The following GPHN variants were observed in gnomAD, a reference collection of about 807,000 sequenced individuals.
GPHN encodes the protein gephyrin.
A neutral mutation model predicts 95.5 loss-of-function variants in GPHN; 17 were observed. That is an observed-to-expected ratio of 0.18 (90% CI 0.12 to 0.27). The LOEUF (loss-of-function observed/expected upper bound fraction) is 0.27, where lower values mean the gene tolerates loss of function less well. Among genes scored for constraint, GPHN ranks in the 10% least tolerant of loss-of-function variants. GPHN has a pLI of 1.00. For synonymous variants in GPHN, 320 were observed against 322.5 expected, an observed-to-expected ratio of 0.99 and a Z score of 0.08; for missense variants, 660 against 978.1, an observed-to-expected ratio of 0.67 and a Z score of 4.34.
At chr14:67,027,264 G>A (rs540089075) in intron 10 of GPHN, among the ~76,000 whole-genome samples, 19 of 152,180 alleles carry the variant, frequency 1.2e-4, no homozygotes, top group African/African-American at 4.6e-4. Flanking sequence ...AAGAAATCAA[G>A]TAAAATAAAA....
At chr14:67,207,698 G>A in the GPHN span, among the ~76,000 whole-genome samples, 1 of 152,112 alleles carries the variant, frequency 6.6e-6, no homozygotes, top group Admixed American at 6.6e-5. Context: ...GGAGAGGTGA[G>A]ACATTAACAG....
intron 9 of GPHN, among the ~76,000 whole-genome samples, chr14:67,016,130 T>A (rs7144434): frequency 0.22 from 34,116 of 152,068 alleles, 7,408 homozygotes; most frequent in African/African-American, 0.53. Context: ...TATAATATTC[T>A]GCAGATAAAA....
intron 1 of GPHN, among the ~76,000 whole-genome samples, chr14:66,535,181 G>T (rs1451320012): frequency 1.3e-5 from 2 of 151,696 alleles, no homozygotes; most frequent in Non-Finnish European, 2.9e-5. Context: ...TAAAAACCAG[G>T]AATTTTTAAA....
chr14:67,214,568 G>T, the GPHN span, among the ~76,000 whole-genome samples: 13 of 152,232 alleles, frequency 8.5e-5, no homozygotes, highest in South Asian at 2.1e-3. Context: ...GGTTACTGTA[G>T]CCTTGTAGTA....
At chr14:67,170,256 CTA>C (rs1429375359) in intron 21 of GPHN, among the ~76,000 whole-genome samples, 1 of 151,958 alleles carries the variant, frequency 6.6e-6, no homozygotes, top group Admixed American at 6.6e-5. Context: ...AAAAATTTAA[CTA>C]GAGTTTTTTT....
intron 1 of GPHN, among the ~76,000 whole-genome samples, chr14:66,598,883 C>G (rs2062099175): frequency 6.6e-6 from 1 of 150,518 alleles, no homozygotes; most frequent in Non-Finnish European, 1.5e-5. Flanking sequence ...CCATTTCATT[C>G]AGCCTTGCAG....
At chr14:67,569,832 G>A in the GPHN span, 5 of 806,370 alleles carry the variant, frequency 6.2e-6, no homozygotes, top group South Asian at 7.3e-5. Context: ...GCTCCTGGAG[G>A]GAATGCCATC....
At chr14:67,449,305 G>A in the GPHN span, among the ~76,000 whole-genome samples, 1 of 152,214 alleles carries the variant, frequency 6.6e-6, no homozygotes, top group Admixed American at 6.5e-5. Context: ...GAGGATAGAG[G>A]CTGCATTGGA....
At chr14:67,664,750 C>T in the GPHN span, among the ~76,000 whole-genome samples, 1 of 152,176 alleles carries the variant, frequency 6.6e-6, no homozygotes, top group South Asian at 2.1e-4. Context: ...CCATCCACCT[C>T]AGCCTTTCCG....
chr14:67,579,704 C>A, the GPHN span: 1 of 1,609,850 alleles, frequency 6.2e-7, no homozygotes, highest in Non-Finnish European at 8.5e-7. Flanking sequence ...AGGGTTGGAA[C>A]TCTTCTCCCG....
the GPHN span, among the ~76,000 whole-genome samples, chr14:67,219,302 C>T: frequency 2.0e-5 from 3 of 152,182 alleles, no homozygotes; most frequent in Non-Finnish European, 4.4e-5. Context: ...GGAGGTCTCT[C>T]CTGACTCTGG....
intron 1 of GPHN, among the ~76,000 whole-genome samples, chr14:66,577,338 A>C (rs1190318433): frequency 1.3e-5 from 2 of 152,174 alleles, no homozygotes; most frequent in Non-Finnish European, 2.9e-5. Context: ...GGGTCTTGGG[A>C]TAAGGTCATG....
intron 2 of GPHN, among the ~76,000 whole-genome samples, chr14:66,716,032 T>C (rs928436669): frequency 1.3e-5 from 2 of 152,202 alleles, no homozygotes; most frequent in African/African-American, 4.8e-5. Context: ...TTCCAAGGTA[T>C]AGTTTAAATT....
the GPHN span, among the ~76,000 whole-genome samples, chr14:67,499,532 T>C: frequency 1.3e-5 from 2 of 152,186 alleles, no homozygotes; most frequent in South Asian, 4.1e-4. Flanking sequence ...CAAAGATGTG[T>C]TTAGATGAAG....
the GPHN span, among the ~76,000 whole-genome samples, chr14:67,289,895 C>T: frequency 5.3e-5 from 8 of 151,408 alleles, no homozygotes; most frequent in Non-Finnish European, 8.8e-5. Context: ...CTCAGCCTCT[C>T]GAGTAGCTGG....
At chr14:67,600,670 C>T in the GPHN span, among the ~76,000 whole-genome samples, 1 of 152,122 alleles carries the variant, frequency 6.6e-6, no homozygotes, top group Non-Finnish European at 1.5e-5. Context: ...ACCTGCTTCC[C>T]CCGGGTTCAA....
At chr14:66,691,422 A>G (rs2067772525) in intron 2 of GPHN, among the ~76,000 whole-genome samples, 1 of 151,994 alleles carries the variant, frequency 6.6e-6, no homozygotes, top group South Asian at 2.1e-4. Flanking sequence ...TGACCCTGTG[A>G]TTCACCTGCC....
At chr14:66,537,045 C>G (rs2059169663) in intron 1 of GPHN, among the ~76,000 whole-genome samples, 1 of 152,088 alleles carries the variant, frequency 6.6e-6, no homozygotes, top group Non-Finnish European at 1.5e-5. Flanking sequence ...CTTTTACCTT[C>G]TATTAATATA....
intron 8 of GPHN, among the ~76,000 whole-genome samples, chr14:66,948,331 G>C (rs2067881136): frequency 6.6e-6 from 1 of 151,968 alleles, no homozygotes; most frequent in East Asian, 1.9e-4. Context: ...AAATTTTTAA[G>C]TTTATAAAAA....
Sources: gnomAD v4.1 joint callset for allele counts (sites outside exome capture counted in the v4.1 genomes callset) on GRCh38, gnomAD v4.1.1 for gene constraint, MANE v1.5 for transcripts, NCBI Gene and HGNC (gene_info 2026-07-23, HGNC 2026-07-21) for gene names.